RPRD1A: variants seen among roughly 807,000 people sequenced by gnomAD.
RPRD1A encodes regulation of nuclear pre-mRNA domain-containing protein 1A.
RPRD1A carries 9 observed loss-of-function variants against 37.8 expected under a neutral mutation model. The ratio of observed to expected loss-of-function variants is 0.24; its 90% CI spans 0.14 to 0.42. The LOEUF is 0.42. Ranked by LOEUF, RPRD1A falls within the 10% of genes least tolerant of loss-of-function variation. The pLI is 1.00. For synonymous variants in RPRD1A, 138 were observed against 139.7 expected, an observed-to-expected ratio of 0.99 and a Z score of 0.08; for missense variants, 255 against 371.0, an observed-to-expected ratio of 0.69 and a Z score of 2.57.
chr18:35,997,278 A>T (rs1245759568), intron 6 of RPRD1A, among the ~76,000 whole-genome samples: 1 of 152,088 alleles, frequency 6.6e-6, no homozygotes. Context: ...TCATATCTCA[A>T]CTTTCACTAC....
intron 6 of RPRD1A, among the ~76,000 whole-genome samples, chr18:36,000,505 A>G (rs1909350093): frequency 6.6e-6 from 1 of 152,230 alleles, no homozygotes; most frequent in Non-Finnish European, 1.5e-5. Context: ...TATTTTATCA[A>G]GTTTTCTGCA....
At chr18:36,009,860 G>A (rs955672058) in intron 6 of RPRD1A, among the ~76,000 whole-genome samples, 5 of 152,096 alleles carry the variant, frequency 3.3e-5, no homozygotes, top group African/African-American at 1.2e-4. Context: ...TGTGGCTGGT[G>A]GCTGCCTAGT....
intron 2 of RPRD1A, among the ~76,000 whole-genome samples, chr18:36,033,216 C>T (rs905206832): frequency 1.4e-5 from 2 of 143,054 alleles, no homozygotes; most frequent in African/African-American, 5.2e-5. Context: ...GTAGGAGAAT[C>T]GCTTGAACCC....
intron 1 of RPRD1A, among the ~76,000 whole-genome samples, chr18:36,062,702 A>G (rs2088940798): frequency 6.6e-6 from 1 of 152,198 alleles, no homozygotes; most frequent in East Asian, 1.9e-4. Context: ...AAGACCACAT[A>G]CTATATAATT....
chr18:36,010,071 A>G (rs1294225987), intron 6 of RPRD1A, among the ~76,000 whole-genome samples: 1 of 151,964 alleles, frequency 6.6e-6, no homozygotes, highest in Non-Finnish European at 1.5e-5. Context: ...ACTATATAAT[A>G]TGGTATGATA....
At chr18:36,053,869 A>C (rs899843484) in intron 1 of RPRD1A, among the ~76,000 whole-genome samples, 2 of 152,170 alleles carry the variant, frequency 1.3e-5, no homozygotes, top group African/African-American at 4.8e-5. Context: ...CAACAACAAA[A>C]AAAGCTGAAG....
intron 6 of RPRD1A, among the ~76,000 whole-genome samples, chr18:36,020,722 T>C (rs1311020212): frequency 6.6e-6 from 1 of 151,938 alleles, no homozygotes; most frequent in Non-Finnish European, 1.5e-5. Context: ...CCTAGCTACT[T>C]GGGAGGCTGA....
rs959796455 is a variant in RPRD1A, at chr18:35,991,876, T to C, written c.*1275A>G. The C allele has an allele frequency of 6.6e-6, 1 of 152,236 alleles. No individual in the cohort carries two copies. Among genetic ancestry groups the C allele is most frequent in the African/African-American group, 2.4e-5 (1 of 41,454 alleles). 9.4% of individuals were successfully genotyped at this position (152,236 alleles called of 1,614,324 possible). ...TTGTGGGATTTTCAAGATGTTTTAT[T>C]GACTATCTAATTTGAATCTACTTAC... On this transcript the variant is annotated 3_prime_UTR_variant, in exon 7 of 7. Transcript: ENST00000399022.
chr18:36,064,800 A>T (rs1172329389), intron 1 of RPRD1A, among the ~76,000 whole-genome samples: 1 of 152,118 alleles, frequency 6.6e-6, no homozygotes, highest in Non-Finnish European at 1.5e-5. Flanking sequence ...ACTCTTCACA[A>T]TAAATCTTGC....
chr18:36,059,553 C>T (rs182817610), intron 1 of RPRD1A, among the ~76,000 whole-genome samples: 79 of 152,082 alleles, frequency 5.2e-4, no homozygotes, highest in Admixed American at 1.5e-3. Context: ...TAGTAACTAG[C>T]GGTAGATATA....
rs1260877716 is a variant in RPRD1A, at chr18:36,067,547, A to G, written c.-143T>C. The G allele has an allele frequency of 5.1e-6, 4 of 786,470 alleles. No individual in the cohort carries two copies. The highest frequency in any genetic ancestry group is 1.8e-5 in the African/African-American group (1 of 55,370). 48.7% of individuals were successfully genotyped at this position (786,470 alleles called of 1,614,324 possible). A position where few individuals can be genotyped will look rare whatever the true frequency, so the allele number is the denominator to read the frequency against. ...CGCCGCTTCATCCAAGACCGGCCGC[A>G]AACCAGCAAGATGGCGTCCGGCCGG... is the stretch of plus-strand genomic sequence containing the variant. On this transcript the variant is annotated 5_prime_UTR_variant, in exon 1 of 7. Coordinates refer to ENST00000399022, the MANE Select transcript of RPRD1A (RefSeq NM_018170.5).
chr18:36,030,942 T>G (rs1193570382), intron 3 of RPRD1A, 37 bp from the exon 4 acceptor site: 1 of 1,598,562 alleles, frequency 6.3e-7, no homozygotes, highest in African/African-American at 1.3e-5. Flanking sequence ...AATGAAAGAA[T>G]ACATTTTAAT....
chr18:36,037,843 G>A (rs1418920678), intron 1 of RPRD1A, among the ~76,000 whole-genome samples: 2 of 152,100 alleles, frequency 1.3e-5, no homozygotes, highest in Admixed American at 6.6e-5. Flanking sequence ...GCAACAAGAC[G>A]GGCAGCATTT....
intron 6 of RPRD1A, among the ~76,000 whole-genome samples, chr18:36,002,299 T>C (rs910436413): frequency 2.0e-5 from 3 of 152,252 alleles, no homozygotes; most frequent in Admixed American, 2.0e-4. Flanking sequence ...GGGGACTTCT[T>C]TTCCATTCTG....
At chr18:36,021,896 G>A (rs924552703) in intron 6 of RPRD1A, among the ~76,000 whole-genome samples, 3 of 152,114 alleles carry the variant, frequency 2.0e-5, no homozygotes, top group Non-Finnish European at 4.4e-5. Flanking sequence ...AGCTACTCAG[G>A]AGGCTGAAGT....
At chr18:36,040,974 G>T in intron 1 of RPRD1A, 1 of 604,846 alleles carries the variant, frequency 1.7e-6, no homozygotes, top group Non-Finnish European at 2.7e-6. Context: ...TCAATTTCAG[G>T]TGGAAAAAAA....
chr18:35,997,749 A>T (rs9960670), intron 6 of RPRD1A, among the ~76,000 whole-genome samples: 5 of 152,096 alleles, frequency 3.3e-5, no homozygotes, highest in East Asian at 1.9e-4. Context: ...CATAAAACTC[A>T]TAACTATTAA....
intron 1 of RPRD1A, among the ~76,000 whole-genome samples, chr18:36,063,526 T>C (rs938365598): frequency 1.3e-5 from 2 of 152,218 alleles, no homozygotes; most frequent in African/African-American, 4.8e-5. Flanking sequence ...TTTACACACT[T>C]TGAGAAACTA....
chr18:36,010,275 C>T (rs1008613371), intron 6 of RPRD1A, among the ~76,000 whole-genome samples: 2 of 151,518 alleles, frequency 1.3e-5, no homozygotes, highest in Non-Finnish European at 2.9e-5. Context: ...TCAAGACAGG[C>T]CTGGGCAACA....
Sources: gnomAD v4.1 joint callset for allele counts (sites outside exome capture counted in the v4.1 genomes callset) on GRCh38, gnomAD v4.1.1 for gene constraint, MANE v1.5 for transcripts, NCBI Gene and HGNC (gene_info 2026-07-23, HGNC 2026-07-21) for gene names.